The following COL6A5 variants were observed in gnomAD, a reference collection of about 807,000 sequenced individuals.
COL6A5 encodes collagen alpha-5(VI) chain.
A neutral mutation model predicts 65.6 loss-of-function variants in COL6A5; 48 were observed. That is an observed-to-expected ratio of 0.73 (90% CI 0.58 to 0.93). The LOEUF is 0.93. COL6A5 is among the 40% of genes least tolerant of loss of function. The pLI is 0.00. For missense variants in COL6A5, 914 were observed against 928.3 expected (o/e 0.98, Z 0.20); for synonymous variants, 291 against 322.8 (o/e 0.90, Z 1.05).
chr3:130,362,326 A>ATATATAT (rs1935166422), intron 1 of COL6A5, among the ~76,000 whole-genome samples: 1 of 4,672 alleles, frequency 2.1e-4, no homozygotes, highest in Non-Finnish European at 5.6e-4. Context: ...ATATATATAT[A>ATATATAT]TTTTTTTTTT....
chr3:130,421,212 G>A lies in COL6A5; in HGVS notation c.5001+9G>A, dbSNP rs1452267171. ...GACGAAAAGGAGTAAAGGTAAATAT[G>A]GAAATCAATTATTTTTATTCATTGA... On this transcript the variant is annotated intron_variant and NMD_transcript_variant, in intron 26 of 41. Coordinates refer to the COL6A5 transcript ENST00000312481. 1.9e-6 allele frequency: 3 copies of A among 1,550,192 alleles called. No individual in the cohort carries two copies. The Admixed American group carries it at 5.9e-5, about 30-fold the overall frequency.
At chr3:130,416,919 T>C (rs1468690267) in intron 24 of COL6A5, 100 bp downstream of exon 24, 5 of 733,406 alleles carry the variant, frequency 6.8e-6, no homozygotes, top group Non-Finnish European at 1.1e-5. Context: ...TGTGATATTT[T>C]CTTTTTTTAA....
chr3:130,418,576 A>G (rs1230590365), intron 24 of COL6A5, among the ~76,000 whole-genome samples: 1 of 152,132 alleles, frequency 6.6e-6, no homozygotes, highest in Non-Finnish European at 1.5e-5. Flanking sequence ...TGGATAGGCA[A>G]ATGCATCAGC....
exon 7 of COL6A5, chr3:130,391,406 C>A (rs374168010): frequency 6.4e-7 from 1 of 1,551,650 alleles, no homozygotes; most frequent in Non-Finnish European, 8.7e-7. Flanking sequence ...TGAGAATCTG[C>A]GGAAGCGCAG....
rs1426121765 is a variant in COL6A5 at position 130,385,394 on chromosome 3, C to T, written c.1861+30C>T. On this transcript the variant is annotated intron_variant and NMD_transcript_variant, in intron 5 of 41. Coordinates refer to the COL6A5 transcript ENST00000312481. ...GCAACACAAAAAAGGCTTTATTCTC[C>T]ACATTTCATCAATTGCTTTAGGCAG... The T allele has an allele frequency of 2.0e-6, 3 of 1,530,426 alleles. No homozygotes were observed. The Admixed American group carries it at 6.2e-5, about 31-fold the overall frequency. The allele number at this position is 1,530,426 out of a possible 1,614,324, so 94.8% of individuals were successfully genotyped here.
exon 31 of COL6A5, chr3:130,426,397 CAT>C (rs1449222515): frequency 1.3e-6 from 2 of 1,551,056 alleles, no homozygotes; most frequent in African/African-American, 2.7e-5. Flanking sequence ...TTTGCGGGAA[CAT>C]AGTCGTGAGT....
exon 6 of COL6A5, chr3:130,469,427 C>A: frequency 6.2e-7 from 1 of 1,612,900 alleles, no homozygotes. Flanking sequence ...AACCCACAAG[C>A]CAGATTGGAA....
intron 1 of COL6A5, among the ~76,000 whole-genome samples, chr3:130,359,853 A>G (rs1935050745): frequency 6.6e-6 from 1 of 152,132 alleles, no homozygotes; most frequent in Non-Finnish European, 1.5e-5. Context: ...AGTTTAGCTT[A>G]GTATATTAGC....
At chr3:130,430,677 C>T (rs969476584), upstream of COL6A5, among the ~76,000 whole-genome samples, 1 of 152,190 alleles carries the variant, frequency 6.6e-6, no homozygotes, top group African/African-American at 2.4e-5. Flanking sequence ...TTATTGCAAA[C>T]TTTTCTTGGT....
intron 7 of COL6A5, among the ~76,000 whole-genome samples, chr3:130,480,838 C>T (rs567741800): frequency 6.6e-6 from 1 of 152,102 alleles, no homozygotes; most frequent in East Asian, 1.9e-4. Context: ...AATTTCTGTG[C>T]ATGTGAGTTA....
chr3:130,401,945 C>A, intron 12 of COL6A5, 91 bp downstream of exon 12: 3 of 914,298 alleles, frequency 3.3e-6, no homozygotes, highest in South Asian at 1.5e-5. Context: ...ACAGCCTTCA[C>A]TCTATGCTAA....
chr3:130,405,565 C>T, intron 13 of COL6A5, 23 bp from the exon 14 acceptor site: 1 of 1,539,888 alleles, frequency 6.5e-7, no homozygotes, highest in Non-Finnish European at 8.8e-7. Context: ...ACTTTGGGTA[C>T]CTGTCTGTGC....
chr3:130,363,972 T>G (rs2107624463), intron 1 of COL6A5, among the ~76,000 whole-genome samples: 1 of 152,296 alleles, frequency 6.6e-6, no homozygotes, highest in East Asian at 1.9e-4. Flanking sequence ...AAAGAAAAAT[T>G]GTTAATTTTC....
At chr3:130,393,751 G>A (rs149732837) in intron 7 of COL6A5, among the ~76,000 whole-genome samples, 33 of 152,210 alleles carry the variant, frequency 2.2e-4, no homozygotes, top group African/African-American at 7.2e-4. Flanking sequence ...AGCAAATTTC[G>A]CCCATGAGAG....
chr3:130,435,482 CA>C (rs1475664503), intron 1 of COL6A5, among the ~76,000 whole-genome samples: 4 of 152,118 alleles, frequency 2.6e-5, no homozygotes, highest in Non-Finnish European at 5.9e-5. Context: ...TGAAGAATGT[CA>C]ATGGTAGTTT....
intron 1 of COL6A5, among the ~76,000 whole-genome samples, chr3:130,434,183 C>T (rs2221008): frequency 0.029 from 4,453 of 152,176 alleles, 148 homozygotes; most frequent in African/African-American, 0.079. Flanking sequence ...TGAGAACACG[C>T]GGTGTTTGGT....
chr3:130,427,497 C>A (rs1041603001), upstream of COL6A5, among the ~76,000 whole-genome samples: 1 of 152,040 alleles, frequency 6.6e-6, no homozygotes, highest in Non-Finnish European at 1.5e-5. Context: ...GATGAGTAAG[C>A]AGAGGAGGAA....
intron 4 of COL6A5, 103 bp from the exon 37 acceptor site, chr3:130,455,352 G>C: frequency 1.5e-6 from 1 of 648,330 alleles, no homozygotes; most frequent in South Asian, 2.0e-5. Flanking sequence ...CCACCCAATT[G>C]GTTTTTTAAG....
At chr3:130,376,297 C>T in exon 3 of COL6A5, 4 of 1,613,396 alleles carry the variant, frequency 2.5e-6, no homozygotes, top group South Asian at 2.2e-5. Flanking sequence ...CACCTGGGAC[C>T]TAAGTCATTC....
Sources: allele counts gnomAD v4.1 joint callset (sites outside exome capture counted in the v4.1 genomes callset), GRCh38; gene constraint gnomAD v4.1.1; transcripts MANE v1.5; gene names NCBI Gene and HGNC (gene_info 2026-07-23, HGNC 2026-07-21).